The following FSTL4 variants were observed in gnomAD, a reference collection of about 807,000 sequenced individuals.
FSTL4 encodes the protein follistatin like 4.
FSTL4 carries 28 observed loss-of-function variants against 78.2 expected under a neutral mutation model. The ratio of observed to expected loss-of-function variants is 0.36; its 90% CI spans 0.27 to 0.49. FSTL4 has a LOEUF of 0.49. Among genes scored for constraint, FSTL4 ranks in the 20% least tolerant of loss-of-function variants. The pLI, the probability that FSTL4 is intolerant of heterozygous loss-of-function variation, is 0.98. For synonymous variants in FSTL4, 422 were observed against 440.5 expected (o/e 0.96, Z 0.53); for missense variants, 922 against 1,084.9 (o/e 0.85, Z 2.11).
chr5:133,416,235 G>T (rs1022397490), intron 3 of FSTL4, among the ~76,000 whole-genome samples: 1 of 152,182 alleles, frequency 6.6e-6, no homozygotes, highest in African/African-American at 2.4e-5. Flanking sequence ...GCCAAGTCTG[G>T]GACATTTTAA....
At chr5:133,478,012 A>T (rs1384528603) in intron 3 of FSTL4, among the ~76,000 whole-genome samples, 1 of 152,230 alleles carries the variant, frequency 6.6e-6, no homozygotes, top group East Asian at 1.9e-4. Context: ...AATGCCAGCC[A>T]TACAAGTATC....
the FSTL4 span, among the ~76,000 whole-genome samples, chr5:133,702,326 C>T: frequency 6.6e-6 from 1 of 152,184 alleles, no homozygotes; most frequent in Non-Finnish European, 1.5e-5. Flanking sequence ...TAAGCTTAAG[C>T]TCTAGAGAAG....
At chr5:133,692,218 T>C in the FSTL4 span, among the ~76,000 whole-genome samples, 1 of 152,084 alleles carries the variant, frequency 6.6e-6, no homozygotes, top group Admixed American at 6.5e-5. Flanking sequence ...AGTAAGTGGT[T>C]TGTGCAAAGA....
chr5:133,394,512 A>G (rs1163552421), intron 4 of FSTL4, among the ~76,000 whole-genome samples: 3 of 152,174 alleles, frequency 2.0e-5, no homozygotes, highest in Non-Finnish European at 2.9e-5. Context: ...GCAGCTGCGG[A>G]GGGTGCGCCA....
chr5:133,203,762 A>C (rs952530525), intron 14 of FSTL4, among the ~76,000 whole-genome samples: 1 of 152,184 alleles, frequency 6.6e-6, no homozygotes, highest in East Asian at 1.9e-4. Context: ...TTTAGCTCAT[A>C]GTAGAGATGG....
At chr5:133,200,234 TA>T (rs1750277434) in intron 15 of FSTL4, among the ~76,000 whole-genome samples, 1 of 152,274 alleles carries the variant, frequency 6.6e-6, no homozygotes, top group Non-Finnish European at 1.5e-5. Flanking sequence ...AAGAGTTCTA[TA>T]TCCTTGCTGT....
At chr5:133,626,758 G>T in the FSTL4 span, among the ~76,000 whole-genome samples, 1 of 152,080 alleles carries the variant, frequency 6.6e-6, no homozygotes, top group East Asian at 1.9e-4. Flanking sequence ...CACACCACGT[G>T]ATATAAATTC....
At chr5:133,222,235 G>A (rs1290040790) in intron 11 of FSTL4, among the ~76,000 whole-genome samples, 1 of 152,018 alleles carries the variant, frequency 6.6e-6, no homozygotes, top group Non-Finnish European at 1.5e-5. Flanking sequence ...TGAACACCAG[G>A]GAGTATCCAG....
chr5:133,589,594 G>A (rs2190595), intron 2 of FSTL4, among the ~76,000 whole-genome samples: 34,517 of 151,784 alleles, frequency 0.23, 4,202 homozygotes, highest in East Asian at 0.29. Context: ...GGGAGGAGGG[G>A]GAATAGGGGC....
chr5:133,433,877 C>T (rs750103146), intron 3 of FSTL4, among the ~76,000 whole-genome samples: 10 of 151,526 alleles, frequency 6.6e-5, no homozygotes, highest in Non-Finnish European at 1.3e-4. Context: ...TGAAGCAAGG[C>T]GGGAAGGGAG....
At chr5:133,619,677 T>A in the FSTL4 span, among the ~76,000 whole-genome samples, 1 of 152,182 alleles carries the variant, frequency 6.6e-6, no homozygotes, top group Non-Finnish European at 1.5e-5. Context: ...GACCCTCCAT[T>A]TCCTAATTGC....
chr5:133,826,558 A>G, the FSTL4 span, among the ~76,000 whole-genome samples: 1 of 152,168 alleles, frequency 6.6e-6, no homozygotes, highest in Admixed American at 6.5e-5. Context: ...CTGTGGCCAC[A>G]CTGCCTCCTC....
At chr5:133,710,323 G>T in the FSTL4 span, among the ~76,000 whole-genome samples, 3 of 152,286 alleles carry the variant, frequency 2.0e-5, no homozygotes, top group South Asian at 6.2e-4. Context: ...CAGCCCAAGA[G>T]CACCTATCTT....
At chr5:133,710,278 G>A in the FSTL4 span, among the ~76,000 whole-genome samples, 4 of 152,176 alleles carry the variant, frequency 2.6e-5, no homozygotes, top group South Asian at 6.2e-4. Context: ...CTGGGAATTT[G>A]CAATCTGAAT....
chr5:133,504,028 G>A (rs1439362892), intron 3 of FSTL4, among the ~76,000 whole-genome samples: 2 of 152,100 alleles, frequency 1.3e-5, no homozygotes, highest in Admixed American at 6.5e-5. Flanking sequence ...TAAAACCATC[G>A]GATCTCGTGA....
chr5:133,240,996 C>G (rs146592742), intron 7 of FSTL4, among the ~76,000 whole-genome samples: 2 of 152,146 alleles, frequency 1.3e-5, no homozygotes, highest in East Asian at 1.9e-4. Context: ...GGGCTGGGGA[C>G]GAGAGGGCAG....
At chr5:133,421,172 AG>A (rs1756684415) in intron 3 of FSTL4, among the ~76,000 whole-genome samples, 1 of 152,238 alleles carries the variant, frequency 6.6e-6, no homozygotes, top group Non-Finnish European at 1.5e-5. Context: ...CCACACCACC[AG>A]GCATCTCAGG....
At chr5:133,380,099 A>C (rs1481642344) in intron 4 of FSTL4, among the ~76,000 whole-genome samples, 1 of 152,042 alleles carries the variant, frequency 6.6e-6, no homozygotes, top group Non-Finnish European at 1.5e-5. Context: ...CAAATTTCAA[A>C]TCAATAACCT....
In FSTL4 at chr5:133,404,060, C is replaced by T. The variant is rs570947202; in HGVS notation, c.161-3074G>A. On this transcript the variant is annotated intron_variant, in intron 3 of 15. Coordinates refer to ENST00000265342, the MANE Select transcript of FSTL4 (RefSeq NM_015082.2). ...GTTGTCAAGAACACTCAGGTTCTCC[C>T]TGACATGGAAATTGGCTGTCGGCAA... Among the ~76,000 whole-genome samples the T allele has an allele frequency of 1.5e-4, 23 of 152,316 alleles. No homozygotes were observed. In the East Asian group the frequency reaches 4.4e-3, roughly 29 times the overall value.
Sources: allele counts gnomAD v4.1 joint callset (sites outside exome capture counted in the v4.1 genomes callset), GRCh38; gene constraint gnomAD v4.1.1; transcripts MANE v1.5; gene names NCBI Gene and HGNC (gene_info 2026-07-23, HGNC 2026-07-21).